The following ABLIM2 variants were observed in gnomAD, a reference collection of about 807,000 sequenced individuals.
The protein encoded by ABLIM2 is actin-binding LIM protein 2.
ABLIM2 carries 53 observed loss-of-function variants against 97.7 expected under a neutral mutation model. That is an observed-to-expected ratio of 0.54 (90% CI 0.44 to 0.68). ABLIM2 has a LOEUF of 0.68. Among genes scored for constraint, ABLIM2 ranks in the 30% least tolerant of loss-of-function variants. The pLI, the probability that ABLIM2 is intolerant of heterozygous loss-of-function variation, is 0.00. For missense variants in ABLIM2, 835 were observed against 867.2 expected, an observed-to-expected ratio of 0.96 and a Z score of 0.47; for synonymous variants, 361 against 345.8, an observed-to-expected ratio of 1.04 and a Z score of -0.49.
chr4:8,121,969 C>T (rs1845692368), intron 1 of ABLIM2, among the ~76,000 whole-genome samples: 1 of 152,220 alleles, frequency 6.6e-6, no homozygotes, highest in Admixed American at 6.5e-5. Flanking sequence ...CTCAAGCCAG[C>T]TCTCAACTCC....
intron 4 of ABLIM2, among the ~76,000 whole-genome samples, chr4:8,086,272 T>C (rs1366113631): frequency 8.1e-6 from 1 of 123,146 alleles, no homozygotes; most frequent in African/African-American, 3.1e-5. Flanking sequence ...CCAAGGGTAT[T>C]TTTGAAAACC....
intron 2 of ABLIM2, among the ~76,000 whole-genome samples, chr4:8,101,703 C>T (rs1008967467): frequency 1.3e-5 from 2 of 152,146 alleles, no homozygotes; most frequent in Admixed American, 1.3e-4. Context: ...AGAAAATGCC[C>T]GCTCTCCCGA....
At chr4:7,972,288 G>A (rs555322523) in intron 20 of ABLIM2, among the ~76,000 whole-genome samples, 5 of 152,300 alleles carry the variant, frequency 3.3e-5, no homozygotes, top group East Asian at 1.9e-4. Flanking sequence ...CCTCTGCTGC[G>A]TGGTGTACTG....
At chr4:8,108,526 CAGG>C (rs1347579550) in intron 1 of ABLIM2, among the ~76,000 whole-genome samples, 4 of 152,258 alleles carry the variant, frequency 2.6e-5, no homozygotes, top group Non-Finnish European at 5.9e-5. Context: ...CCTCGACAAC[CAGG>C]AGGTTAAACA....
At chr4:8,139,894 A>G (rs1386297109) in intron 1 of ABLIM2, among the ~76,000 whole-genome samples, 1 of 152,218 alleles carries the variant, frequency 6.6e-6, no homozygotes, top group African/African-American at 2.4e-5. Context: ...AATGTAGCAC[A>G]TATACACCGT....
At chr4:7,983,631 GC>G in intron 18 of ABLIM2, 77 bp from the exon 19 acceptor site, 1 of 1,556,330 alleles carries the variant, frequency 6.4e-7, no homozygotes. Context: ...TGCAATCCCT[GC>G]CCTGGGGTAC....
In ABLIM2 at chr4:8,127,792, C is replaced by T. The variant is rs1848642614; in HGVS notation, c.11-21155G>A. On this transcript the variant is annotated intron_variant, in intron 1 of 20. Coordinates refer to ENST00000447017, the MANE Select transcript of ABLIM2 (RefSeq NM_001130083.2). This position sits in a 1 kb window ranked among gnomAD's most constrained non-coding sequence, Gnocchi z 7.3. ...AAATAGACTCCCGCCACACTATGCG[C>T]CAGAGACACACCTGTCTCCCAGGCA... The T allele has an allele frequency of 1.1e-6, 1 of 875,368 alleles. No individual in the cohort carries two copies. Among genetic ancestry groups the T allele is most frequent in the Non-Finnish European group, 1.4e-6 (1 of 729,858 alleles). 54.2% of individuals were successfully genotyped at this position (875,368 alleles called of 1,614,324 possible). A position where few individuals can be genotyped will look rare whatever the true frequency, so the allele number is the denominator to read the frequency against.
At chr4:8,051,249 T>C (rs1454394345) in intron 8 of ABLIM2, among the ~76,000 whole-genome samples, 1 of 152,150 alleles carries the variant, frequency 6.6e-6, no homozygotes, top group African/African-American at 2.4e-5. Context: ...GTAGGAGTTA[T>C]TAAGAAATTA....
Position 8,069,423 on chromosome 4 carries a change from T to G in ABLIM2, c.675+8205A>C, listed in dbSNP as rs1810267958. On this transcript the variant is annotated intron_variant, in intron 6 of 20. Transcript: ENST00000447017. This position sits in a 1 kb window ranked among gnomAD's most constrained non-coding sequence, Gnocchi z 4.2. The stretch of plus-strand genomic sequence containing the variant: ...GAGGGTCCCACCACGAAGACAGTGA[T>G]GAGCACATTGCCCGGGGACCAGGGG... Among the ~76,000 whole-genome samples, 1 of 152,170 alleles carries G rather than the reference T, an allele frequency of 6.6e-6. No homozygotes were observed. Among genetic ancestry groups the G allele is most frequent in the Non-Finnish European group, 1.5e-5 (1 of 68,034 alleles).
At chr4:7,972,669 C>G (rs571330005) in intron 20 of ABLIM2, among the ~76,000 whole-genome samples, 2 of 152,214 alleles carry the variant, frequency 1.3e-5, no homozygotes, top group South Asian at 4.1e-4. Flanking sequence ...CGGGGGCTCC[C>G]CCGCCACTGT....
At chr4:8,050,945 C>T (rs1364284619) in intron 8 of ABLIM2, among the ~76,000 whole-genome samples, 2 of 152,266 alleles carry the variant, frequency 1.3e-5, no homozygotes, top group Non-Finnish European at 2.9e-5. Flanking sequence ...ACAAGGACGC[C>T]TGCACAGGCC....
chr4:8,038,731 G>A (rs1225048007), intron 9 of ABLIM2, among the ~76,000 whole-genome samples: 1 of 152,106 alleles, frequency 6.6e-6, no homozygotes, highest in Non-Finnish European at 1.5e-5. Context: ...TGGAGCCTGG[G>A]GCAGGGTTCA....
At chr4:8,076,411 C>G (rs917718400) in intron 6 of ABLIM2, among the ~76,000 whole-genome samples, 1 of 152,186 alleles carries the variant, frequency 6.6e-6, no homozygotes, top group African/African-American at 2.4e-5. Context: ...CCATTCCACC[C>G]TCTCCAGACT....
At position 8,002,013 on chromosome 4, in the gene ABLIM2, G is replaced by A. The variant is rs1757557129; in HGVS notation, c.1618+6046C>T. Among the ~76,000 whole-genome samples the A allele has an allele frequency of 6.6e-6, 1 of 152,188 alleles. No individual in the cohort carries two copies. The highest frequency in any genetic ancestry group is 1.5e-5 in the Non-Finnish European group (1 of 68,036). On this transcript the variant is annotated intron_variant, in intron 16 of 20. Coordinates refer to ENST00000447017, the MANE Select transcript of ABLIM2 (RefSeq NM_001130083.2). The surrounding 1 kb of genome is among the most constrained non-coding windows in gnomAD (Gnocchi z 6.1). ...AGGACACTGACAAAGAGTAGGCTGG[G>A]GGCCAGGCAGGAGATCACACCTGAT... is the stretch of plus-strand genomic sequence containing the variant.
intron 14 of ABLIM2, among the ~76,000 whole-genome samples, chr4:8,011,704 T>C (rs551576601): frequency 1.2e-4 from 18 of 152,366 alleles, no homozygotes; most frequent in Non-Finnish European, 1.8e-4. Flanking sequence ...GAGAGTTTAA[T>C]ATGTCTTTTG....
Position 8,132,964 on chromosome 4 carries a change from C to T in ABLIM2, c.10+25716G>A, listed in dbSNP as rs974807872. 6.6e-6 allele frequency among the ~76,000 whole-genome samples: 1 copy of T among 152,184 alleles called. No homozygotes were observed. The highest frequency in any genetic ancestry group is 1.5e-5 in the Non-Finnish European group (1 of 68,032). On this transcript the variant is annotated intron_variant, in intron 1 of 20. Coordinates refer to ENST00000447017, the MANE Select transcript of ABLIM2 (RefSeq NM_001130083.2). This position sits in a 1 kb window ranked among gnomAD's most constrained non-coding sequence, Gnocchi z 8.0. Reference sequence around the variant, plus strand: ...AGTGCCACAGACGGCAGCTTAACAACAGGCATTTACTCTCCCCGGTTCTGG... The same window carrying T: ...AGTGCCACAGACGGCAGCTTAACAATAGGCATTTACTCTCCCCGGTTCTGG...
Position 8,087,935 on chromosome 4 carries a change from A to T in ABLIM2, c.454+234T>A, listed in dbSNP as rs891911397. On this transcript the variant is annotated intron_variant, in intron 4 of 20. Coordinates refer to ENST00000447017, the MANE Select transcript of ABLIM2 (RefSeq NM_001130083.2). This position sits in a 1 kb window ranked among gnomAD's most constrained non-coding sequence, Gnocchi z 4.6. ...CTGCTGCTCTGGGTCCCCGTTTCTC[A>T]GGCTCTGTCCCTGGGCACTGCAGAG... Among the ~76,000 whole-genome samples the T allele has an allele frequency of 6.6e-6, 1 of 151,486 alleles. No individual in the cohort carries two copies. The highest frequency in any genetic ancestry group is 1.5e-5 in the Non-Finnish European group (1 of 67,852).
At position 8,130,470 on chromosome 4, in the gene ABLIM2, G is replaced by T. The variant is rs1849206220; in HGVS notation, c.11-23833C>A. Among the ~76,000 whole-genome samples, 1 of 152,188 alleles carries T rather than the reference G, an allele frequency of 6.6e-6. No homozygotes were observed. Among genetic ancestry groups the T allele is most frequent in the Non-Finnish European group, 1.5e-5 (1 of 68,036 alleles). ...GGCAGGGAGAGTGGACGCCGGCGCC[G>T]GGCACTGATCTGGGCCTTTCCACAG... On this transcript the variant is annotated intron_variant, in intron 1 of 20. Transcript: ENST00000447017. The surrounding 1 kb of genome is among the most constrained non-coding windows in gnomAD (Gnocchi z 4.2).
At chr4:8,100,527 AC>A (rs1292050221) in intron 2 of ABLIM2, among the ~76,000 whole-genome samples, 1 of 152,086 alleles carries the variant, frequency 6.6e-6, no homozygotes, top group African/African-American at 2.4e-5. Flanking sequence ...GGGGCGGATC[AC>A]CTGAGGTCAG....
Sources: gnomAD v4.1 joint callset for allele counts (sites outside exome capture counted in the v4.1 genomes callset) on GRCh38, gnomAD v4.1.1 for gene constraint, Gnocchi (gnomAD v3.1) non-coding constraint, MANE v1.5 for transcripts, NCBI Gene and HGNC (gene_info 2026-07-23, HGNC 2026-07-21) for gene names.